CDHR2: variants seen among roughly 807,000 people sequenced by gnomAD.
CDHR2 encodes cadherin-related family member 2.
CDHR2 carries 104 observed loss-of-function variants against 138.6 expected under a neutral mutation model. That is an observed-to-expected ratio of 0.75 (90% CI 0.64 to 0.88). The LOEUF (loss-of-function observed/expected upper bound fraction) is 0.88, where lower values mean the gene tolerates loss of function less well. CDHR2 is among the 40% of genes least tolerant of loss of function. The pLI is 0.00. For synonymous variants in CDHR2, 755 were observed against 742.8 expected, an observed-to-expected ratio of 1.02 and a Z score of -0.27; for missense variants, 1,624 against 1,727.6, an observed-to-expected ratio of 0.94 and a Z score of 1.06.
chr5:176,589,820 C>T (rs543800640), intron 24 of CDHR2, among the ~76,000 whole-genome samples: 1 of 152,296 alleles, frequency 6.6e-6, no homozygotes, highest in East Asian at 1.9e-4. Context: ...AGAGGGAAGC[C>T]TTGGAACAAG....
intron 1 of CDHR2, among the ~76,000 whole-genome samples, chr5:176,560,514 C>T (rs1030734435): frequency 6.6e-6 from 1 of 152,142 alleles, no homozygotes; most frequent in African/African-American, 2.4e-5. Flanking sequence ...GATCTGTGGT[C>T]ATGTTTGTCT....
rs768830867 is a variant in CDHR2, at chr5:176,578,530, C to G, written c.1740C>G (p.Asn580Lys). 18 of 1,614,168 alleles carry G rather than the reference C, an allele frequency of 1.1e-5. No individual in the cohort carries two copies. Among genetic ancestry groups the G allele is most frequent in the Non-Finnish European group, 1.4e-5 (17 of 1,180,028 alleles). ...TGCAGATCCACCTGCTGGACATCAA[C>G]GACAATGCACCCGTGGTTAGCGGCT... is the stretch of plus-strand genomic sequence containing the variant. ...TTLQIHLLDI[N>K]DNAPVVSGSY... is the part of the protein sequence containing the mutation. Residue 580 changes from asparagine to lysine, a missense_variant, in exon 16 of 32, where the codon AAC (asparagine) becomes AAG (lysine). Around this residue, in one of 3 missense-constraint regions of CDHR2, gnomAD observed 1,061 missense variants for 1,136.6 expected, o/e 0.93. Transcript: ENST00000261944.
chr5:176,579,867 G>A (rs1032227), intron 16 of CDHR2, among the ~76,000 whole-genome samples: 3,883 of 152,226 alleles, frequency 0.026, 157 homozygotes, highest in African/African-American at 0.089. Context: ...CTGCCCCCCA[G>A]GCGGCTCCCA....
At chr5:176,585,689 G>A (rs547373565) in intron 19 of CDHR2, among the ~76,000 whole-genome samples, 2 of 152,338 alleles carry the variant, frequency 1.3e-5, no homozygotes, top group East Asian at 3.9e-4. Flanking sequence ...CACCCACACA[G>A]GCCAGAGAAG....
At chr5:176,555,146 A>T (rs552511773) in intron 1 of CDHR2, among the ~76,000 whole-genome samples, 59 of 152,350 alleles carry the variant, frequency 3.9e-4, no homozygotes, top group Admixed American at 3.7e-3. Context: ...GCTTCCCATG[A>T]TTATAAATAA....
rs1425549682 is a variant in CDHR2 at position 176,543,158 on chromosome 5, C to T, written c.-16+389C>T. Reference sequence around the variant, plus strand: ...CGCCGGCAGAGGCCTGGCGGGAAGACCCCGCGTGCGTTCCTCCGCCGGCCC... The same window carrying T: ...CGCCGGCAGAGGCCTGGCGGGAAGATCCCGCGTGCGTTCCTCCGCCGGCCC... On this transcript the variant is annotated intron_variant, in intron 1 of 31. Transcript: ENST00000510636. The surrounding 1 kb of genome is among the most constrained non-coding windows in gnomAD (Gnocchi z 4.0). Among the ~76,000 whole-genome samples, 1 of 150,722 alleles carries T rather than the reference C, an allele frequency of 6.6e-6. No homozygotes were observed. Among genetic ancestry groups the T allele is most frequent in the African/African-American group, 2.4e-5 (1 of 41,250 alleles).
intron 3 of CDHR2, among the ~76,000 whole-genome samples, chr5:176,566,640 C>T (rs185083193): frequency 2.6e-5 from 4 of 152,172 alleles, no homozygotes; most frequent in East Asian, 1.9e-4. Context: ...CTCAGTGGCC[C>T]GACTTCCCTA....
chr5:176,548,983 C>G (rs1168187337), upstream of CDHR2, among the ~76,000 whole-genome samples: 1 of 152,154 alleles, frequency 6.6e-6, no homozygotes, highest in Non-Finnish European at 1.5e-5. Context: ...ACTCAATCCC[C>G]CACTTGTCCA....
intron 28 of CDHR2, 62 bp downstream of exon 28, chr5:176,590,749 G>A (rs1283728400): frequency 2.5e-5 from 40 of 1,607,150 alleles, no homozygotes; most frequent in Non-Finnish European, 3.1e-5. Flanking sequence ...CAAGACGTCG[G>A]GGGGTAGGGG....
chr5:176,575,765 G>A lies in CDHR2; in HGVS notation c.886G>A (p.Val296Met). Residue 296 changes from valine (V) to methionine (M), a missense_variant, in exon 11 of 32, where the codon GTG (valine) becomes ATG (methionine). This residue lies in a region of CDHR2 where 1,061 missense variants were observed against 1,136.6 expected (regional missense o/e 0.93). Transcript: ENST00000261944. ...PGWFDIGADG[V>M]IRVNGSLDRE... The stretch of plus-strand genomic sequence containing the variant: ...CTGGTTTGACATCGGGGCAGATGGG[G>A]TGATCAGGGTCAACGGCTCCCTGGA... 6.4e-7 allele frequency: 1 copy of A among 1,567,742 alleles called. No individual in the cohort carries two copies. The highest frequency in any genetic ancestry group is 8.7e-7 in the Non-Finnish European group (1 of 1,155,558).
Position 176,565,420 on chromosome 5 carries a change from C to T in CDHR2, c.52+16C>T. ...GTGGTGTCTGGTAGGTGTCTCCCCT[C>T]CCCAGCCACGCAGCCCTAACCTAGA... On this transcript the variant is annotated intron_variant, in intron 2 of 31. Transcript: ENST00000261944. 1 of 1,612,632 alleles carries T rather than the reference C, an allele frequency of 6.2e-7. No homozygotes were observed. The highest frequency in any genetic ancestry group is 8.5e-7 in the Non-Finnish European group (1 of 1,178,630).
chr5:176,572,488 C>G (rs1758261341), intron 6 of CDHR2, among the ~76,000 whole-genome samples: 1 of 152,170 alleles, frequency 6.6e-6, no homozygotes, highest in Non-Finnish European at 1.5e-5. Flanking sequence ...CTTTCCAGCC[C>G]AAAGCCCAGG....
At position 176,571,309 on chromosome 5, in the gene CDHR2, C is replaced by T; in HGVS notation, c.405+7C>T. 1 of 1,600,770 alleles carries T rather than the reference C, an allele frequency of 6.2e-7. No individual in the cohort carries two copies. The highest frequency in any genetic ancestry group is 1.1e-5 in the South Asian group (1 of 89,752). ...CTCCACCAGCATCAACGAGGTGACACCTGCCTTAATGTGGTTGTGGGGCAG... is the reference window on the plus strand; with the variant it reads ...CTCCACCAGCATCAACGAGGTGACATCTGCCTTAATGTGGTTGTGGGGCAG... On this transcript the variant is annotated splice_region_variant and intron_variant, in intron 6 of 31. Transcript: ENST00000261944.
chr5:176,588,438 AGTGTGT>A (rs770274099), intron 21 of CDHR2, among the ~76,000 whole-genome samples: 13 of 117,916 alleles, frequency 1.1e-4, no homozygotes, highest in Non-Finnish European at 2.1e-4. Flanking sequence ...TGTCAGGATA[AGTGTGT>A]GAGTGTGAGA....
At chr5:176,549,187 C>T (rs1008184147), upstream of CDHR2, among the ~76,000 whole-genome samples, 4 of 152,208 alleles carry the variant, frequency 2.6e-5, no homozygotes, top group Admixed American at 1.3e-4. Context: ...GGAGCTCTGG[C>T]GCCTTGGTCC....
chr5:176,572,222 GAAA>G (rs34496800), intron 6 of CDHR2, among the ~76,000 whole-genome samples: 20 of 132,688 alleles, frequency 1.5e-4, no homozygotes, highest in East Asian at 6.5e-4. Flanking sequence ...CGTCTCTACT[GAAA>G]AAAAAAAAAA....
intron 3 of CDHR2, chr5:176,567,243 C>T: frequency 4.0e-6 from 1 of 252,934 alleles, no homozygotes; most frequent in South Asian, 4.2e-5. Context: ...ATCATGCTCA[C>T]TTCAGCCTCG....
At chr5:176,573,602 G>A (rs746547407) in intron 6 of CDHR2, among the ~76,000 whole-genome samples, 9 of 151,830 alleles carry the variant, frequency 5.9e-5, no homozygotes, top group East Asian at 5.8e-4. Context: ...AGCCGAGATC[G>A]TGCCCCTTCA....
intron 31 of CDHR2, among the ~76,000 whole-genome samples, chr5:176,594,726 C>G (rs1758974762): frequency 6.6e-6 from 1 of 152,190 alleles, no homozygotes; most frequent in African/African-American, 2.4e-5. Context: ...CAGCCCCAGT[C>G]TGGAAAAAGC....
Sources: allele counts gnomAD v4.1 joint callset (sites outside exome capture counted in the v4.1 genomes callset), GRCh38; gene constraint gnomAD v4.1.1; regional missense constraint gnomAD v4.1.1; non-coding constraint Gnocchi (gnomAD v3.1); transcripts MANE v1.5; gene names NCBI Gene and HGNC (gene_info 2026-07-23, HGNC 2026-07-21).